PAPPA2: variants seen among roughly 807,000 people sequenced by gnomAD.
PAPPA2 encodes the protein pappalysin-2.
In PAPPA2, 86 loss-of-function variants were observed where a neutral mutation model predicts 176.4. The ratio of observed to expected loss-of-function variants is 0.49; its 90% CI spans 0.41 to 0.58. PAPPA2 has a LOEUF of 0.58. Among genes scored for constraint, PAPPA2 ranks in the 20% least tolerant of loss-of-function variants. PAPPA2 has a pLI of 0.00. For synonymous variants in PAPPA2, 809 were observed against 852.2 expected (o/e 0.95, Z 0.88); for missense variants, 2,073 against 2,256.9 (o/e 0.92, Z 1.65).
intron 2 of PAPPA2, among the ~76,000 whole-genome samples, chr1:176,569,651 G>A (rs1652203326): frequency 6.6e-6 from 1 of 152,170 alleles, no homozygotes. Flanking sequence ...TCTATTCTAG[G>A]CTAGCTCCCA....
intron 1 of PAPPA2, among the ~76,000 whole-genome samples, chr1:176,465,260 C>A (rs144110157): frequency 2.6e-5 from 4 of 152,242 alleles, no homozygotes; most frequent in Non-Finnish European, 4.4e-5. Flanking sequence ...TCTTAGGATA[C>A]ACTTCAAAAA....
In PAPPA2 at chr1:176,690,287, C is replaced by T; in HGVS notation, c.2288C>T (p.Pro763Leu). Residue 763 changes from proline to leucine, a missense_variant, in exon 5 of 23, where the codon CCA becomes CTA. Physicochemically the swap from Pro to Leu is moderately conservative, Grantham distance 98. Around this residue, in one of 4 missense-constraint regions of PAPPA2, gnomAD observed 1,196 missense variants for 1,330.4 expected, o/e 0.90. Transcript: ENST00000367662. ...SCNDPCKETV[P>L]SMETGDLCAD... ...AATGACCCCTGCAAGGAGACAGTGC[C>T]ATCCATGGAAACGGGAGACCTCTGT... The T allele has an allele frequency of 6.2e-7, 1 of 1,614,106 alleles. No individual in the cohort carries two copies. Among genetic ancestry groups the T allele is most frequent in the Non-Finnish European group, 8.5e-7 (1 of 1,179,992 alleles).
intron 3 of PAPPA2, among the ~76,000 whole-genome samples, chr1:176,648,079 A>G (rs1177221744): frequency 6.6e-6 from 1 of 151,420 alleles, no homozygotes; most frequent in East Asian, 1.9e-4. Context: ...CTTGAAATAT[A>G]TTTCCATTTA....
intron 19 of PAPPA2, among the ~76,000 whole-genome samples, chr1:176,792,247 C>T (rs1181351128): frequency 1.3e-5 from 2 of 152,202 alleles, no homozygotes; most frequent in Admixed American, 1.3e-4. Flanking sequence ...TTAACTTTGC[C>T]TTGGCTGGCC....
At chr1:176,775,055 C>A (rs1238778068) in intron 17 of PAPPA2, among the ~76,000 whole-genome samples, 4 of 152,088 alleles carry the variant, frequency 2.6e-5, no homozygotes, top group Non-Finnish European at 5.9e-5. Context: ...ATGATGTTGT[C>A]CAGGAAGCCT....
chr1:176,839,031 C>CA (rs1485783114), intron 21 of PAPPA2, among the ~76,000 whole-genome samples: 1 of 152,122 alleles, frequency 6.6e-6, no homozygotes, highest in Admixed American at 6.5e-5. Context: ...TGGTAAAATA[C>CA]AAAACTGTCC....
intron 3 of PAPPA2, among the ~76,000 whole-genome samples, chr1:176,603,137 C>G (rs557787184): frequency 2.0e-5 from 3 of 152,300 alleles, no homozygotes. Context: ...CAGAGAGACC[C>G]CAGTCTCCAA....
At chr1:176,512,221 C>CAAAAAAAAAAAAAAAA (rs58968098) in intron 1 of PAPPA2, among the ~76,000 whole-genome samples, 1 of 105,738 alleles carries the variant, frequency 9.5e-6, no homozygotes, top group South Asian at 3.0e-4. Flanking sequence ...ACTAAATTTG[C>CAAAAAAAAAAAAAAAA]AAAAAAAAAA....
intron 14 of PAPPA2, 40 bp downstream of exon 14, chr1:176,740,236 T>G: frequency 6.4e-7 from 1 of 1,564,838 alleles, no homozygotes; most frequent in South Asian, 1.1e-5. Context: ...CCTTTTCTTG[T>G]GGCTCTAATG....
At chr1:176,613,280 G>T (rs1655032185) in intron 3 of PAPPA2, among the ~76,000 whole-genome samples, 1 of 152,184 alleles carries the variant, frequency 6.6e-6, no homozygotes, top group Non-Finnish European at 1.5e-5. Flanking sequence ...GTGCCACCAG[G>T]TAAATTCTGA....
chr1:176,638,939 CGTGTGTGTGTGTGTGT>C (rs34264749), intron 3 of PAPPA2, among the ~76,000 whole-genome samples: 1 of 143,030 alleles, frequency 7.0e-6, no homozygotes, highest in Non-Finnish European at 1.5e-5. Context: ...TGTGCATGTG[CGTGTGTGTGTGTGTGT>C]GTGTGTGTGT....
At chr1:176,661,450 T>C (rs1436520131) in intron 3 of PAPPA2, among the ~76,000 whole-genome samples, 1 of 151,262 alleles carries the variant, frequency 6.6e-6, no homozygotes, top group African/African-American at 2.4e-5. Flanking sequence ...AAGCTTCCGT[T>C]AGAACTGCCA....
intron 2 of PAPPA2, among the ~76,000 whole-genome samples, chr1:176,573,032 G>T (rs1652443923): frequency 6.6e-6 from 1 of 152,164 alleles, no homozygotes; most frequent in South Asian, 2.1e-4. Flanking sequence ...GTGTGGTGCT[G>T]CCAAAGAACC....
At chr1:176,592,638 T>C (rs1191029844) in intron 2 of PAPPA2, among the ~76,000 whole-genome samples, 1 of 152,174 alleles carries the variant, frequency 6.6e-6, no homozygotes, top group Non-Finnish European at 1.5e-5. Context: ...ATGCTAATTA[T>C]CTGGTAACTT....
At chr1:176,714,881 A>G (rs1402626879) in intron 12 of PAPPA2, among the ~76,000 whole-genome samples, 1 of 152,096 alleles carries the variant, frequency 6.6e-6, no homozygotes, top group Non-Finnish European at 1.5e-5. Context: ...TGGAAGTAAA[A>G]CTTTATAATA....
intron 2 of PAPPA2, among the ~76,000 whole-genome samples, chr1:176,564,702 A>G (rs1651857964): frequency 6.7e-6 from 1 of 149,138 alleles, no homozygotes; most frequent in African/African-American, 2.5e-5. Context: ...GGCAGAGTTT[A>G]TATTTATTTC....
chr1:176,467,041 G>A (rs1345787747), intron 1 of PAPPA2, among the ~76,000 whole-genome samples: 1 of 152,148 alleles, frequency 6.6e-6, no homozygotes, highest in African/African-American at 2.4e-5. Context: ...TGATTTCATG[G>A]TCATGTGAAC....
intron 10 of PAPPA2, among the ~76,000 whole-genome samples, chr1:176,708,115 C>G (rs896956752): frequency 2.6e-5 from 4 of 152,134 alleles, no homozygotes; most frequent in Non-Finnish European, 4.4e-5. Context: ...TATATATTCT[C>G]CAAACACTGA....
intron 21 of PAPPA2, among the ~76,000 whole-genome samples, chr1:176,824,939 C>T (rs1488544360): frequency 6.6e-6 from 1 of 152,184 alleles, no homozygotes; most frequent in East Asian, 1.9e-4. Context: ...GGCACTACAG[C>T]TAAGACTGGA....
Sources: gnomAD v4.1 joint callset for allele counts (sites outside exome capture counted in the v4.1 genomes callset) on GRCh38, gnomAD v4.1.1 for gene constraint, gnomAD v4.1.1 regional missense constraint, MANE v1.5 for transcripts, NCBI Gene and HGNC (gene_info 2026-07-23, HGNC 2026-07-21) for gene names.